The following PHF2 variants were observed in gnomAD, a reference collection of about 807,000 sequenced individuals.
PHF2 encodes PHD finger protein 2, also known as lysine-specific demethylase PHF2.
PHF2 carries 27 observed loss-of-function variants against 120.5 expected under a neutral mutation model. The ratio of observed to expected loss-of-function variants is 0.22; its 90% CI spans 0.17 to 0.31. The LOEUF (loss-of-function observed/expected upper bound fraction) is 0.31, where lower values mean the gene tolerates loss of function less well. Ranked by LOEUF, PHF2 falls within the 10% of genes least tolerant of loss-of-function variation. The probability of loss-of-function intolerance (pLI) is 1.00; values close to 1 mark genes in which losing one functional copy is unlikely to be tolerated. For missense variants in PHF2, 1,024 were observed against 1,434.8 expected, an observed-to-expected ratio of 0.71 and a Z score of 4.63; for synonymous variants, 568 against 592.5, an observed-to-expected ratio of 0.96 and a Z score of 0.60.
At chr9:93,648,102 A>AC (rs1287369946) in intron 4 of PHF2, among the ~76,000 whole-genome samples, 2 of 113,310 alleles carry the variant, frequency 1.8e-5, no homozygotes, top group East Asian at 4.6e-4. Flanking sequence ...TCCAAATTAG[A>AC]CCCCCACATT....
chr9:93,674,679 A>G (rs949038110), intron 18 of PHF2, among the ~76,000 whole-genome samples: 7 of 152,092 alleles, frequency 4.6e-5, no homozygotes. Flanking sequence ...GGGCAGGTAG[A>G]TGCAGGTGCC....
intron 17 of PHF2, among the ~76,000 whole-genome samples, chr9:93,668,454 C>G (rs951091543): frequency 3.3e-5 from 5 of 152,096 alleles, no homozygotes; most frequent in African/African-American, 9.7e-5. Flanking sequence ...GGAGAGGCCC[C>G]TAAACACCCT....
chr9:93,650,925 G>A lies in PHF2; in HGVS notation c.602+1713G>A, dbSNP rs193246317. 2.0e-5 allele frequency among the ~76,000 whole-genome samples: 3 copies of A among 152,118 alleles called. No homozygotes were observed. In the East Asian group the frequency reaches 5.8e-4, roughly 29 times the overall value. On this transcript the variant is annotated intron_variant, in intron 5 of 21. Transcript: ENST00000359246. ...AAACAAAAGAATTATCTAAAACCAA[G>A]AAAGAGAATACAAAACTATGCCAAG...
chr9:93,600,342 C>T (rs1587672140), intron 1 of PHF2, among the ~76,000 whole-genome samples: 1 of 152,230 alleles, frequency 6.6e-6, no homozygotes, highest in South Asian at 2.1e-4. Flanking sequence ...GAGGCAGCTC[C>T]TGGAGGGCAG....
intron 1 of PHF2, among the ~76,000 whole-genome samples, chr9:93,601,275 G>A (rs1825434270): frequency 6.6e-6 from 1 of 152,186 alleles, no homozygotes; most frequent in Admixed American, 6.5e-5. Context: ...TCCAGCCCAT[G>A]GTGGGAGCCT....
chr9:93,613,079 C>A (rs1825664293), intron 1 of PHF2, among the ~76,000 whole-genome samples: 1 of 152,224 alleles, frequency 6.6e-6, no homozygotes, highest in African/African-American at 2.4e-5. Context: ...ATGTGCCTGG[C>A]AAAGCACTTT....
At chr9:93,577,298 C>G (rs1039009655) in intron 1 of PHF2, among the ~76,000 whole-genome samples, 1 of 151,612 alleles carries the variant, frequency 6.6e-6, no homozygotes, top group African/African-American at 2.4e-5. Flanking sequence ...TTTCCCCGCG[C>G]GGGCTCGGGG....
intron 17 of PHF2, among the ~76,000 whole-genome samples, chr9:93,669,656 G>C (rs1357072984): frequency 6.6e-6 from 1 of 152,240 alleles, no homozygotes; most frequent in African/African-American, 2.4e-5. Context: ...GCATCTTCCT[G>C]AGTCTGCCGG....
chr9:93,645,882 G>A, intron 4 of PHF2, 93 bp downstream of exon 4: 1 of 1,375,788 alleles, frequency 7.3e-7, no homozygotes, highest in Non-Finnish European at 9.7e-7. Context: ...CGCCCTGGCT[G>A]TGTCCATGTG....
chr9:93,650,071 G>A (rs1031348285), intron 5 of PHF2, among the ~76,000 whole-genome samples: 3 of 148,150 alleles, frequency 2.0e-5, no homozygotes, highest in East Asian at 2.0e-4. Context: ...ACCCATGGAC[G>A]TACTCATGAC....
At chr9:93,592,041 T>C (rs1215711832) in intron 1 of PHF2, among the ~76,000 whole-genome samples, 1 of 152,232 alleles carries the variant, frequency 6.6e-6, no homozygotes, top group East Asian at 1.9e-4. Flanking sequence ...TTTCACTCTT[T>C]ACCCAGGGGT....
intron 3 of PHF2, among the ~76,000 whole-genome samples, chr9:93,640,557 ACT>A (rs1338749052): frequency 2.0e-5 from 3 of 151,410 alleles, no homozygotes; most frequent in Non-Finnish European, 4.4e-5. Flanking sequence ...TTTCCTTTTG[ACT>A]CTGTCTTAAT....
In PHF2 at chr9:93,676,594, G is replaced by C; in HGVS notation, c.2833G>C (p.Glu945Gln). ...AAAAAKLSQQEEQKSKKKKSA... is the reference protein window; with the variant it reads ...AAAAAKLSQQQEQKSKKKKSA... ...GCTGCCCTGCATGTTTTGTTCAAAG[G>C]AGGAGCAGAAAAGCAAGAAAAAAAA... The change falls in exon 21 of 22, where the codon GAG (glutamate) becomes CAG (glutamine). Residue 945 changes from glutamate (E) to glutamine (Q), a missense_variant and splice_region_variant. Transcript: ENST00000359246. 3 of 1,592,146 alleles carry C rather than the reference G, an allele frequency of 1.9e-6. No individual in the cohort carries two copies. The highest frequency in any genetic ancestry group is 2.3e-5 in the South Asian group (2 of 88,486).
chr9:93,596,152 G>T (rs1158836593), intron 1 of PHF2, among the ~76,000 whole-genome samples: 1 of 152,146 alleles, frequency 6.6e-6, no homozygotes, highest in South Asian at 2.1e-4. Context: ...GGGCTGTCCT[G>T]GGAAGCTGAC....
At chr9:93,577,046 T>G (rs1251341260) in intron 1 of PHF2, among the ~76,000 whole-genome samples, 175 bp downstream of exon 1, 9 of 143,156 alleles carry the variant, frequency 6.3e-5, no homozygotes, top group Non-Finnish European at 1.1e-4. Flanking sequence ...CGCGCGCCCT[T>G]TTGTGCCCAG....
chr9:93,615,225 A>G (rs1211615713), intron 1 of PHF2, among the ~76,000 whole-genome samples: 1 of 124,692 alleles, frequency 8.0e-6, no homozygotes, highest in Admixed American at 7.8e-5. Flanking sequence ...TGGTGATAGT[A>G]ATGGTGATGG....
intron 1 of PHF2, among the ~76,000 whole-genome samples, chr9:93,598,225 G>A (rs143102108): frequency 2.6e-3 from 389 of 152,332 alleles, no homozygotes; most frequent in African/African-American, 9.1e-3. Context: ...CCCAACTCAC[G>A]CCAGGCATGC....
At chr9:93,652,331 G>A (rs1414811018) in intron 5 of PHF2, among the ~76,000 whole-genome samples, 2 of 126,136 alleles carry the variant, frequency 1.6e-5, no homozygotes, top group Non-Finnish European at 3.2e-5. Flanking sequence ...GTCTCACTCT[G>A]TTGCCCAGGC....
Position 93,673,594 on chromosome 9 carries a change from G to T in PHF2, c.2358G>T (p.Pro786=), listed in dbSNP as rs140677384. The stretch of plus-strand genomic sequence containing the variant: ...CTCTCTGTGCCCCTAGCCAGCCCCC[G>T]GCCTCCCCCAGCACACAGGAAGCCA... ...ALEYNPSSQP[P]ASPSTQEAIQ... is the part of the protein sequence containing the mutation. Residue 786 remains proline (P), a synonymous_variant, in exon 18 of 22, where the codon CCG becomes CCT. Transcript: ENST00000359246. 1.9e-6 allele frequency: 3 copies of T among 1,566,098 alleles called. No homozygotes were observed. The highest frequency in any genetic ancestry group is 2.6e-6 in the Non-Finnish European group (3 of 1,152,094).
Sources: gnomAD v4.1 joint callset for allele counts (sites outside exome capture counted in the v4.1 genomes callset) on GRCh38, gnomAD v4.1.1 for gene constraint, MANE v1.5 for transcripts, NCBI Gene and HGNC (gene_info 2026-07-23, HGNC 2026-07-21) for gene names.